NLGN1: variants seen among roughly 807,000 people sequenced by gnomAD.
NLGN1 encodes the protein neuroligin 1.
A neutral mutation model predicts 65.5 loss-of-function variants in NLGN1; 12 were observed. The ratio of observed to expected loss-of-function variants is 0.18; its 90% confidence interval spans 0.12 to 0.30. The LOEUF (loss-of-function observed/expected upper bound fraction) is 0.30. NLGN1 is among the 10% of genes least tolerant of loss of function. NLGN1 has a pLI of 1.00. For synonymous variants in NLGN1, 350 were observed against 359.5 expected (o/e 0.97, Z 0.30); for missense variants, 750 against 1,007.1 (o/e 0.74, Z 3.46).
intron 1 of NLGN1, among the ~76,000 whole-genome samples, chr3:173,429,089 C>T (rs538797954): frequency 6.6e-6 from 1 of 152,130 alleles, no homozygotes; most frequent in African/African-American, 2.4e-5. Context: ...GTTTTCTACA[C>T]CTTGCTATTT....
chr3:173,945,077 G>T (rs1746902446), intron 4 of NLGN1, among the ~76,000 whole-genome samples: 1 of 151,914 alleles, frequency 6.6e-6, no homozygotes, highest in South Asian at 2.1e-4. Flanking sequence ...CTTCCAATCT[G>T]GGCTTCATTT....
At chr3:174,091,815 G>A (rs1744570193) in intron 4 of NLGN1, among the ~76,000 whole-genome samples, 1 of 152,104 alleles carries the variant, frequency 6.6e-6, no homozygotes, top group Non-Finnish European at 1.5e-5. Context: ...TTACTAATTA[G>A]TGGCTCCGCT....
chr3:173,793,985 C>T (rs1713402045), intron 3 of NLGN1, among the ~76,000 whole-genome samples: 1 of 152,054 alleles, frequency 6.6e-6, no homozygotes, highest in Non-Finnish European at 1.5e-5. Flanking sequence ...GTCCTCATCA[C>T]CCACGACTCT....
At chr3:174,129,515 A>T (rs1719719019) in intron 4 of NLGN1, among the ~76,000 whole-genome samples, 1 of 152,206 alleles carries the variant, frequency 6.6e-6, no homozygotes, top group Non-Finnish European at 1.5e-5. Context: ...AAAGTTCACT[A>T]AAGGTGAATT....
At chr3:174,081,414 C>T (rs1051403780) in intron 4 of NLGN1, among the ~76,000 whole-genome samples, 1 of 151,910 alleles carries the variant, frequency 6.6e-6, no homozygotes, top group African/African-American at 2.4e-5. Flanking sequence ...CTGCTGAGGC[C>T]CACTTCCTGT....
At chr3:173,565,665 G>A (rs1028513722) in intron 2 of NLGN1, among the ~76,000 whole-genome samples, 1 of 152,136 alleles carries the variant, frequency 6.6e-6, no homozygotes, top group Non-Finnish European at 1.5e-5. Flanking sequence ...GAAAAAAGCA[G>A]CAGCTCCAGA....
Position 174,138,557 on chromosome 3 carries a change from C to T in NLGN1, c.647-136758C>T, listed in dbSNP as rs1176242727. Reference sequence around the variant, plus strand: ...TCACGCCATTCTCCTGCCTCAGCCTCCCAAATAGCTGGGACGACAGGCCCC... The same window carrying T: ...TCACGCCATTCTCCTGCCTCAGCCTTCCAAATAGCTGGGACGACAGGCCCC... On this transcript the variant is annotated intron_variant, in intron 4 of 6. Coordinates refer to ENST00000457714, the Ensembl canonical transcript of NLGN1. 2.0e-5 allele frequency among the ~76,000 whole-genome samples: 3 copies of T among 151,860 alleles called. No homozygotes were observed. The East Asian group carries it at 5.8e-4, about 30-fold the overall frequency.
chr3:174,134,037 G>T (rs771447553), intron 4 of NLGN1, among the ~76,000 whole-genome samples: 23 of 152,014 alleles, frequency 1.5e-4, no homozygotes, highest in Non-Finnish European at 3.2e-4. Flanking sequence ...CTGTTAATAA[G>T]TTCATAGGCA....
chr3:174,240,580 G>A (rs1742601478), intron 4 of NLGN1, among the ~76,000 whole-genome samples: 1 of 152,110 alleles, frequency 6.6e-6, no homozygotes, highest in South Asian at 2.1e-4. Flanking sequence ...AGGATATCTA[G>A]AAAGTAACAA....
At chr3:173,743,989 CAAAT>C (rs1468501805) in intron 3 of NLGN1, among the ~76,000 whole-genome samples, 1 of 152,008 alleles carries the variant, frequency 6.6e-6, no homozygotes, top group Non-Finnish European at 1.5e-5. Flanking sequence ...TAAATTCAGA[CAAAT>C]AACTCATTAT....
intron 4 of NLGN1, among the ~76,000 whole-genome samples, chr3:174,201,345 A>C: frequency 3.9e-5 from 1 of 25,736 alleles, no homozygotes; most frequent in East Asian, 5.0e-3. Flanking sequence ...GGTGGGAGGA[A>C]TGAAGGAAGG....
At chr3:173,793,469 G>A (rs529402209) in intron 3 of NLGN1, among the ~76,000 whole-genome samples, 1 of 152,224 alleles carries the variant, frequency 6.6e-6, no homozygotes, top group East Asian at 1.9e-4. Flanking sequence ...GGTCATCCCT[G>A]TTGTACTGAG....
chr3:173,683,575 C>T (rs550832047), intron 3 of NLGN1, among the ~76,000 whole-genome samples: 25 of 152,234 alleles, frequency 1.6e-4, no homozygotes, highest in African/African-American at 6.0e-4. Context: ...TTCTCTCATT[C>T]CCTATTCCCA....
intron 4 of NLGN1, among the ~76,000 whole-genome samples, chr3:174,035,436 C>T (rs1375225888): frequency 6.6e-6 from 1 of 152,126 alleles, no homozygotes; most frequent in African/African-American, 2.4e-5. Flanking sequence ...CCTTGTACAC[C>T]AGCCTGTTGT....
chr3:173,942,109 G>GATGT, intron 4 of NLGN1, among the ~76,000 whole-genome samples: 1 of 144,142 alleles, frequency 6.9e-6, no homozygotes, highest in African/African-American at 2.6e-5. Flanking sequence ...GGTGGTTGGG[G>GATGT]GTGTGTGTGT....
intron 4 of NLGN1, among the ~76,000 whole-genome samples, chr3:173,813,178 T>C (rs1718335969): frequency 6.6e-6 from 1 of 152,128 alleles, no homozygotes. Flanking sequence ...TTGATCATGA[T>C]TTAAAGAGCA....
At chr3:174,115,013 A>G (rs562448586) in intron 4 of NLGN1, among the ~76,000 whole-genome samples, 40 of 152,314 alleles carry the variant, frequency 2.6e-4, no homozygotes, top group African/African-American at 9.6e-4. Context: ...CCAAACTTTG[A>G]TAGACATATC....
the NLGN1 span, among the ~76,000 whole-genome samples, chr3:174,291,693 T>C: frequency 6.6e-6 from 1 of 151,200 alleles, no homozygotes; most frequent in East Asian, 1.9e-4. Context: ...CAAACTGTTA[T>C]TGGCATTAAA....
At chr3:174,290,149 T>C (rs1752599890), downstream of NLGN1, among the ~76,000 whole-genome samples, 1 of 150,696 alleles carries the variant, frequency 6.6e-6, no homozygotes, top group African/African-American at 2.4e-5. Flanking sequence ...TTACAGACTT[T>C]AGGTGAGTAA....
Sources: gnomAD v4.1 joint callset for allele counts (sites outside exome capture counted in the v4.1 genomes callset) on GRCh38, gnomAD v4.1.1 for gene constraint, MANE v1.5 for transcripts, NCBI Gene and HGNC (gene_info 2026-07-23, HGNC 2026-07-21) for gene names.